The following METAP1D variants were observed in gnomAD, a reference collection of about 807,000 sequenced individuals.
METAP1D encodes methionyl aminopeptidase type 1D, mitochondrial.
In METAP1D, 31 loss-of-function variants were observed where a neutral mutation model predicts 40.5. The ratio of observed to expected loss-of-function variants is 0.77; its 90% CI spans 0.58 to 1.03. METAP1D has a LOEUF of 1.03. Ranked by LOEUF, METAP1D falls within the 50% of genes least tolerant of loss-of-function variation. The probability of loss-of-function intolerance (pLI) is 0.00; values close to 1 mark genes in which losing one functional copy is unlikely to be tolerated. For missense variants in METAP1D, 411 were observed against 420.7 expected, an observed-to-expected ratio of 0.98 and a Z score of 0.20; for synonymous variants, 151 against 146.4, an observed-to-expected ratio of 1.03 and a Z score of -0.22.
At chr2:172,077,763 A>C in intron 6 of METAP1D, 34 bp from the exon 7 acceptor site, 1 of 1,109,876 alleles carries the variant, frequency 9.0e-7, no homozygotes, top group Non-Finnish European at 1.3e-6. Flanking sequence ...AAACTTATCT[A>C]ATTTAATTAA....
At chr2:172,008,852 G>T (rs1688648136) in intron 1 of METAP1D, among the ~76,000 whole-genome samples, 1 of 152,026 alleles carries the variant, frequency 6.6e-6, no homozygotes, top group South Asian at 2.1e-4. Flanking sequence ...GGTGATCCTG[G>T]ATCACTAAGC....
At chr2:172,018,267 T>A (rs1202710411) in intron 1 of METAP1D, among the ~76,000 whole-genome samples, 1 of 152,112 alleles carries the variant, frequency 6.6e-6, no homozygotes, top group Non-Finnish European at 1.5e-5. Context: ...CATCTACCCT[T>A]GCTGCCTCTC....
intron 1 of METAP1D, among the ~76,000 whole-genome samples, chr2:172,058,200 C>G (rs756728183): frequency 2.6e-5 from 4 of 152,126 alleles, no homozygotes; most frequent in Non-Finnish European, 5.9e-5. Context: ...TGGGATCTCA[C>G]GATCCTCCCA....
intron 1 of METAP1D, among the ~76,000 whole-genome samples, chr2:172,014,722 G>A (rs771457686): frequency 2.6e-5 from 4 of 151,794 alleles, no homozygotes; most frequent in Non-Finnish European, 5.9e-5. Context: ...GTGCAATCTC[G>A]GCTCACTGCA....
intron 3 of METAP1D, among the ~76,000 whole-genome samples, chr2:172,065,394 T>C (rs1180345239): frequency 1.3e-5 from 2 of 152,158 alleles, no homozygotes; most frequent in African/African-American, 2.4e-5. Context: ...TTCCTAATGG[T>C]CCATAACACC....
rs928821008 is a variant in METAP1D, at chr2:172,045,487, C to T, written c.41-16011C>T. On this transcript the variant is annotated intron_variant, in intron 1 of 9. Coordinates refer to ENST00000315796, the MANE Select transcript of METAP1D (RefSeq NM_199227.3). ...ACCAGCCTGACCAACATGGAGAAAC[C>T]CCGTCTCTACTAAAAAATATAAAAT... 4.5e-5 allele frequency among the ~76,000 whole-genome samples: 6 copies of T among 134,112 alleles called. 2 individuals are homozygous for T. In the South Asian group the frequency reaches 9.7e-4, roughly 22 times the overall value. 88.0% of individuals were successfully genotyped at this position (134,112 alleles called of 152,430 possible).
In METAP1D at chr2:172,061,592, A is replaced by G. The variant is rs777393851; in HGVS notation, c.135A>G (p.Gln45=). ...QQRRNFFFRR[Q]RDISHSIVLP... is the part of the protein sequence containing the mutation. Reference sequence around the variant, plus strand: ...GAAGAAATTTCTTTTTTCGGAGACAAAGAGATATTTCACACAGTATAGTTT... The same window carrying G: ...GAAGAAATTTCTTTTTTCGGAGACAGAGAGATATTTCACACAGTATAGTTT... The change falls in exon 2 of 10, where the codon CAA becomes CAG. Residue 45 remains glutamine, a synonymous_variant. Transcript: ENST00000315796. 19 of 1,613,898 alleles carry G rather than the reference A, an allele frequency of 1.2e-5. No individual in the cohort carries two copies. In the South Asian group the frequency reaches 1.9e-4, roughly 16 times the overall value.
Position 172,066,284 on chromosome 2 carries a change from ATAT to A in METAP1D, c.522_524del (p.Ile175del). ...TTTAGTCGACCTCTTCAGGATGGAGATATTATCAACATTGATGTCACAGTGAGT... is the reference window on the plus strand; with the variant it reads ...TTTAGTCGACCTCTTCAGGATGGAGATATCAACATTGATGTCACAGTGAGT... On this transcript the variant is annotated inframe_deletion, in exon 5 of 10. Coordinates refer to ENST00000315796, the MANE Select transcript of METAP1D (RefSeq NM_199227.3). 1 of 1,611,854 alleles carries A rather than the reference ATAT, an allele frequency of 6.2e-7. No individual in the cohort carries two copies. The highest frequency in any genetic ancestry group is 1.3e-5 in the African/African-American group (1 of 74,864).
rs1363492953 is a variant in METAP1D at position 172,042,840 on chromosome 2, C to T, written c.41-18658C>T. ...GTGTGTGTGTATATGTACACATATA[C>T]GTGTGTGTGTATATATGTACATATA... is the stretch of plus-strand genomic sequence containing the variant. On this transcript the variant is annotated intron_variant, in intron 1 of 9. Transcript: ENST00000315796. Among the ~76,000 whole-genome samples the T allele has an allele frequency of 7.8e-5, 3 of 38,536 alleles. 1 individual carries two copies. Among genetic ancestry groups the T allele is most frequent in the Non-Finnish European group, 1.6e-4 (3 of 18,292 alleles). The allele number at this position is 38,536 out of a possible 152,430, so 25.3% of individuals were successfully genotyped here.
intron 6 of METAP1D, among the ~76,000 whole-genome samples, chr2:172,076,726 C>T (rs2105501032): frequency 6.6e-6 from 1 of 152,310 alleles, no homozygotes; most frequent in South Asian, 2.1e-4. Flanking sequence ...TGGCTGAAAG[C>T]CTGTGGGTTC....
At chr2:172,073,221 T>C (rs979976470) in intron 6 of METAP1D, among the ~76,000 whole-genome samples, 1 of 152,162 alleles carries the variant, frequency 6.6e-6, no homozygotes, top group Non-Finnish European at 1.5e-5. Context: ...TTTTTTTGTG[T>C]ACGACTTAAC....
chr2:172,072,968 C>T (rs1295543125), intron 6 of METAP1D, among the ~76,000 whole-genome samples: 2 of 152,132 alleles, frequency 1.3e-5, no homozygotes, highest in Admixed American at 6.5e-5. Context: ...GAATAATTAG[C>T]TCTGCTATGG....
rs1689586168 is a variant in METAP1D at position 172,042,477 on chromosome 2, GTGTGTACA to G, written c.41-19011_41-19004del. Among the ~76,000 whole-genome samples, 2 of 27,916 alleles carry G rather than the reference GTGTGTACA, an allele frequency of 7.2e-5. 1 individual carries two copies. The highest frequency in any genetic ancestry group is 3.8e-4 in the African/African-American group (2 of 5,322). The allele number at this position is 27,916 out of a possible 152,430, so 18.3% of individuals were successfully genotyped here. A position where few individuals can be genotyped will look rare whatever the true frequency, so the allele number is the denominator to read the frequency against. ...TACATATATACATATATACATATGT[GTGTGTACA>G]TGTGTACATATATACATATATACAT... is the stretch of plus-strand genomic sequence containing the variant. On this transcript the variant is annotated intron_variant, in intron 1 of 9. Transcript: ENST00000315796.
At chr2:172,022,894 G>T (rs1463263203) in intron 1 of METAP1D, among the ~76,000 whole-genome samples, 1 of 152,036 alleles carries the variant, frequency 6.6e-6, no homozygotes, top group Non-Finnish European at 1.5e-5. Flanking sequence ...ATAAACAATT[G>T]TTTGTTTGCA....
At chr2:172,043,059 GTA>G (rs199646261) in intron 1 of METAP1D, among the ~76,000 whole-genome samples, 7,281 of 118,838 alleles carry the variant, frequency 0.061, 1,593 homozygotes, top group Non-Finnish European at 0.087. Flanking sequence ...ACATATATGT[GTA>G]TATATATACG....
intron 3 of METAP1D, 113 bp from the exon 4 acceptor site, chr2:172,065,491 A>C: frequency 9.7e-7 from 1 of 1,034,584 alleles, no homozygotes; most frequent in Non-Finnish European, 1.4e-6. Flanking sequence ...CCATAACTTT[A>C]TCATAGTAAA....
At chr2:172,035,154 T>TG (rs35965969) in intron 1 of METAP1D, among the ~76,000 whole-genome samples, 40,952 of 150,080 alleles carry the variant, frequency 0.27, 6,114 homozygotes, top group Middle Eastern at 0.4. Flanking sequence ...TGTGTTTTTT[T>TG]TTTGTTTGTT....
At chr2:172,069,618 A>G (rs964225819) in intron 5 of METAP1D, among the ~76,000 whole-genome samples, 4 of 152,216 alleles carry the variant, frequency 2.6e-5, no homozygotes, top group Non-Finnish European at 5.9e-5. Flanking sequence ...AGTGTATAAA[A>G]TAAAAACTCA....
In METAP1D at chr2:172,042,709, G is replaced by A. The variant is rs1202616381; in HGVS notation, c.41-18789G>A. Among the ~76,000 whole-genome samples the A allele has an allele frequency of 1.4e-3, 19 of 13,876 alleles. 9 individuals carry two copies. The highest frequency in any genetic ancestry group is 0.015 in the South Asian group (2 of 130). 9.1% of individuals were successfully genotyped at this position (13,876 alleles called of 152,430 possible). ...TATATGTGTACACATATACGTGTGT[G>A]TGTGTATATGTGTACACATATACGT... is the stretch of plus-strand genomic sequence containing the variant. On this transcript the variant is annotated intron_variant, in intron 1 of 9. Coordinates refer to ENST00000315796, the MANE Select transcript of METAP1D (RefSeq NM_199227.3).
Sources: gnomAD v4.1 joint callset for allele counts (sites outside exome capture counted in the v4.1 genomes callset) on GRCh38, gnomAD v4.1.1 for gene constraint, MANE v1.5 for transcripts, NCBI Gene and HGNC (gene_info 2026-07-23, HGNC 2026-07-21) for gene names.